BICRA: variants seen among roughly 807,000 people sequenced by gnomAD.
BICRA encodes BRD4 interacting chromatin remodeling complex associated protein, also known as BRD4-interacting chromatin-remodeling complex-associated protein.
A neutral mutation model predicts 96.9 loss-of-function variants in BICRA; 31 were observed. The ratio of observed to expected loss-of-function variants is 0.32; its 90% confidence interval spans 0.24 to 0.43. BICRA has a LOEUF of 0.43. Among genes scored for constraint, BICRA ranks in the 20% least tolerant of loss-of-function variants. The pLI is 1.00. For missense variants in BICRA, 2,283 were observed against 2,190.3 expected (o/e 1.04, Z -0.84); for synonymous variants, 1,350 against 1,071.8 (o/e 1.26, Z -5.07).
At chr19:47,659,685 T>TATACAC (rs1369334077) in intron 1 of BICRA, among the ~76,000 whole-genome samples, 1 of 132,414 alleles carries the variant, frequency 7.6e-6, no homozygotes, top group Non-Finnish European at 1.6e-5. Context: ...TGGTGGTGCA[T>TATACAC]ACACACACAC....
intron 5 of BICRA, chr19:47,679,099 G>A (rs947971342): frequency 5.0e-6 from 2 of 401,470 alleles, no homozygotes; most frequent in Admixed American, 4.4e-5. Context: ...TTCTCACTGC[G>A]TTGCCCAGGC....
At chr19:47,635,322 A>G (rs1405830656) in intron 1 of BICRA, among the ~76,000 whole-genome samples, 3 of 149,538 alleles carry the variant, frequency 2.0e-5, no homozygotes, top group Non-Finnish European at 4.4e-5. Flanking sequence ...ATCTTGGCTC[A>G]CTGCAACCTC....
At chr19:47,634,141 C>T (rs1972263931) in intron 1 of BICRA, among the ~76,000 whole-genome samples, 1 of 152,220 alleles carries the variant, frequency 6.6e-6, no homozygotes, top group Non-Finnish European at 1.5e-5. Flanking sequence ...CAGTCCTTGC[C>T]AGACGAGTGA....
Position 47,609,477 on chromosome 19 carries a change from A to ACC in BICRA, c.-108+317_-108+318dup, listed in dbSNP as rs374581195. ...CCGCCGCCGCCCCGATCCTATGGGG[A>ACC]CCCCCCCCCAACCGGCTTCCCTGCC... On this transcript the variant is annotated intron_variant, in intron 1 of 14. Coordinates refer to ENST00000594866, the MANE Select transcript of BICRA (RefSeq NM_001394372.1). Among the ~76,000 whole-genome samples the ACC allele has an allele frequency of 2.7e-3, 362 of 132,724 alleles. 4 individuals are homozygous for ACC. Among genetic ancestry groups the ACC allele is most frequent in the East Asian group, 4.5e-3 (19 of 4,248 alleles). The allele number at this position is 132,724 out of a possible 152,430, so 87.1% of individuals were successfully genotyped here.
At chr19:47,646,810 A>C (rs1419310122) in intron 1 of BICRA, among the ~76,000 whole-genome samples, 2 of 152,216 alleles carry the variant, frequency 1.3e-5, no homozygotes, top group Non-Finnish European at 2.9e-5. Flanking sequence ...TATAATTCAC[A>C]TACCATACAG....
chr19:47,666,477 A>T (rs534340794), intron 1 of BICRA, among the ~76,000 whole-genome samples: 1 of 152,078 alleles, frequency 6.6e-6, no homozygotes, highest in South Asian at 2.1e-4. Flanking sequence ...AGGTTTCATC[A>T]TGTTGACCAG....
At chr19:47,691,893 C>T (rs1475876157) in intron 7 of BICRA, among the ~76,000 whole-genome samples, 1 of 152,070 alleles carries the variant, frequency 6.6e-6, no homozygotes, top group Non-Finnish European at 1.5e-5. Context: ...ATATTTCAGC[C>T]TTGGAGAACA....
Position 47,643,115 on chromosome 19 carries a change from G to A in BICRA, c.-107-27328G>A, listed in dbSNP as rs866297567. On this transcript the variant is annotated intron_variant, in intron 1 of 14. Transcript: ENST00000594866. ...CTTCTGAGTAGCTGAGATTACAGGC[G>A]CCCTCCACCATGCCCGGCTAATTTT... Among the ~76,000 whole-genome samples, 12 of 152,276 alleles carry A rather than the reference G, an allele frequency of 7.9e-5. No homozygotes were observed. The South Asian group carries it at 1.9e-3, about 24-fold the overall frequency.
intron 1 of BICRA, among the ~76,000 whole-genome samples, chr19:47,629,347 A>G (rs572506735): frequency 1.3e-5 from 2 of 152,264 alleles, no homozygotes; most frequent in South Asian, 2.1e-4. Context: ...CCCCATCCCC[A>G]GTCCCTAGTA....
In BICRA at chr19:47,695,499, C is replaced by T. The variant is rs756888220; in HGVS notation, c.3186+25C>T. ...GGTAAGGGGCCCTTAGAGCAGGGGT[C>T]AGGACAGGACCAGGAGTCTTCGGGA... On this transcript the variant is annotated intron_variant, in intron 10 of 14. Transcript: ENST00000594866. 3.6e-6 allele frequency: 4 copies of T among 1,106,762 alleles called. No individual in the cohort carries two copies. In the African/African-American group the frequency reaches 4.7e-5, roughly 13 times the overall value. The allele number at this position is 1,106,762 out of a possible 1,614,324, so 68.6% of individuals were successfully genotyped here.
At chr19:47,691,004 A>G (rs1973233516) in intron 7 of BICRA, among the ~76,000 whole-genome samples, 1 of 152,226 alleles carries the variant, frequency 6.6e-6, no homozygotes, top group Non-Finnish European at 1.5e-5. Context: ...AAAACTTAGC[A>G]GCTTCAAACA....
chr19:47,619,429 T>C (rs1447777105), intron 1 of BICRA, among the ~76,000 whole-genome samples: 2 of 152,032 alleles, frequency 1.3e-5, no homozygotes, highest in East Asian at 3.9e-4. Flanking sequence ...CGGTTAGTTT[T>C]TGTATTTTTA....
chr19:47,669,530 G>A (rs1020077674), intron 1 of BICRA, among the ~76,000 whole-genome samples: 1 of 151,788 alleles, frequency 6.6e-6, no homozygotes, highest in Non-Finnish European at 1.5e-5. Context: ...TATACTATGT[G>A]TATACATAGT....
intron 1 of BICRA, among the ~76,000 whole-genome samples, chr19:47,661,065 A>T (rs1354292651): frequency 6.6e-6 from 1 of 151,888 alleles, no homozygotes; most frequent in East Asian, 1.9e-4. Context: ...AAAACAAAAA[A>T]TTAGCTGGGC....
At chr19:47,652,353 T>G (rs1350591899) in intron 1 of BICRA, among the ~76,000 whole-genome samples, 1 of 152,118 alleles carries the variant, frequency 6.6e-6, no homozygotes, top group East Asian at 1.9e-4. Context: ...ACCCAGCTAT[T>G]TTTTTAAAAA....
chr19:47,616,260 A>G (rs993054620), intron 1 of BICRA, among the ~76,000 whole-genome samples: 1 of 152,210 alleles, frequency 6.6e-6, no homozygotes, highest in Non-Finnish European at 1.5e-5. Context: ...ATTATTAAGT[A>G]GCAGAGTCTC....
Position 47,694,681 on chromosome 19 carries a change from C to G in BICRA, c.2850C>G (p.Phe950Leu), listed in dbSNP as rs1298600882. The part of the protein sequence containing the change: ...PRTFQMVTTP[F>L]PALPQPKALL... ...CCTTCCAGATGGTGACCACCCCCTT[C>G]CCAGCGCTGCCCCAGCCGAAGGCTC... is the stretch of plus-strand genomic sequence containing the variant. Residue 950 changes from phenylalanine to leucine, a missense_variant, in exon 8 of 15, where the codon TTC becomes TTG. Physicochemically the swap from Phe to Leu is conservative, Grantham distance 22. Transcript: ENST00000594866. The G allele has an allele frequency of 6.3e-6, 10 of 1,589,464 alleles. No homozygotes were observed. Among genetic ancestry groups the G allele is most frequent in the Non-Finnish European group, 8.6e-6 (10 of 1,162,664 alleles).
Position 47,680,664 on chromosome 19 carries a change from G to A in BICRA, c.1494G>A (p.Leu498=). ...CGGCCAACGTGGGCGGGCAGATCCT[G>A]GCGGCCGCTGCCCCCCACACAGGTG... The part of the protein sequence containing the change: ...ALPANVGGQI[L]AAAAPHTGGQ... The change falls in exon 6 of 15, where the codon CTG becomes CTA. Residue 498 remains leucine, a synonymous_variant. Transcript: ENST00000594866. The A allele has an allele frequency of 6.2e-7, 1 of 1,606,398 alleles. No individual in the cohort carries two copies. Among genetic ancestry groups the A allele is most frequent in the Non-Finnish European group, 8.5e-7 (1 of 1,176,552 alleles).
At chr19:47,611,206 T>C (rs1308966237) in intron 1 of BICRA, among the ~76,000 whole-genome samples, 1 of 152,202 alleles carries the variant, frequency 6.6e-6, no homozygotes, top group African/African-American at 2.4e-5. Flanking sequence ...CTTTGGCATT[T>C]TGTCCCCCTG....
Sources: gnomAD v4.1 joint callset for allele counts (sites outside exome capture counted in the v4.1 genomes callset) on GRCh38, gnomAD v4.1.1 for gene constraint, MANE v1.5 for transcripts, NCBI Gene and HGNC (gene_info 2026-07-23, HGNC 2026-07-21) for gene names.